Variants in ZNF385D observed in about 807,000 individuals in gnomAD.
ZNF385D encodes the protein zinc finger protein 659.
ZNF385D carries 15 observed loss-of-function variants against 35.8 expected under a neutral mutation model. The observed-to-expected ratio is 0.42, with a 90% CI of 0.28 to 0.64. The LOEUF (loss-of-function observed/expected upper bound fraction) is 0.64. Among genes scored for constraint, ZNF385D ranks in the 30% least tolerant of loss-of-function variants. The pLI, the probability that ZNF385D is intolerant of heterozygous loss-of-function variation, is 0.23. For synonymous variants in ZNF385D, 212 were observed against 186.8 expected (o/e 1.13, Z -1.10); for missense variants, 474 against 494.6 (o/e 0.96, Z 0.39).
chr3:21,981,056 A>G (rs552160719), intron 3 of ZNF385D, among the ~76,000 whole-genome samples: 2 of 152,164 alleles, frequency 1.3e-5, no homozygotes, highest in African/African-American at 4.8e-5. Context: ...ATGGTAGAAT[A>G]ATTTCTAGTC....
At chr3:21,837,239 A>G (rs1234644558) in intron 3 of ZNF385D, among the ~76,000 whole-genome samples, 1 of 152,112 alleles carries the variant, frequency 6.6e-6, no homozygotes, top group Non-Finnish European at 1.5e-5. Flanking sequence ...GACTTCTTTC[A>G]GTCATCAGTC....
intron 3 of ZNF385D, among the ~76,000 whole-genome samples, chr3:21,541,129 A>C (rs2062164269): frequency 6.6e-6 from 1 of 152,226 alleles, no homozygotes; most frequent in Non-Finnish European, 1.5e-5. Flanking sequence ...TCAAATTCTG[A>C]TAAGTCATCT....
At chr3:21,995,729 T>C (rs1695423203) in intron 3 of ZNF385D, among the ~76,000 whole-genome samples, 1 of 151,866 alleles carries the variant, frequency 6.6e-6, no homozygotes, top group Admixed American at 6.6e-5. Flanking sequence ...GCCCCCAGAA[T>C]GGTGCCCAAG....
At chr3:22,003,594 C>T (rs1040292088) in intron 3 of ZNF385D, among the ~76,000 whole-genome samples, 1 of 152,084 alleles carries the variant, frequency 6.6e-6, no homozygotes, top group African/African-American at 2.4e-5. Flanking sequence ...TGGCCAGGTA[C>T]AGTAGCTCAC....
chr3:21,828,854 C>A (rs1342889497), intron 3 of ZNF385D, among the ~76,000 whole-genome samples: 2 of 152,284 alleles, frequency 1.3e-5, no homozygotes, highest in East Asian at 3.9e-4. Flanking sequence ...ATCTATAGAC[C>A]ACCTCTGGTC....
chr3:21,478,495 T>C (rs1403675171), intron 4 of ZNF385D, among the ~76,000 whole-genome samples: 1 of 152,196 alleles, frequency 6.6e-6, no homozygotes, highest in African/African-American at 2.4e-5. Flanking sequence ...CATTAGAGTA[T>C]ATCCAGAAAT....
At chr3:21,547,369 C>A (rs1348090029) in intron 3 of ZNF385D, among the ~76,000 whole-genome samples, 1 of 152,108 alleles carries the variant, frequency 6.6e-6, no homozygotes, top group African/African-American at 2.4e-5. Flanking sequence ...TCTTACCCCT[C>A]CCCTTGTTTC....
chr3:21,458,309 T>C (rs1167538233), intron 4 of ZNF385D, among the ~76,000 whole-genome samples: 1 of 115,874 alleles, frequency 8.6e-6, no homozygotes, highest in Non-Finnish European at 1.7e-5. Context: ...CTCATCACTC[T>C]TAAAGGAAAA....
intron 3 of ZNF385D, among the ~76,000 whole-genome samples, chr3:21,807,115 G>C (rs1171279343): frequency 1.3e-5 from 2 of 152,132 alleles, no homozygotes; most frequent in African/African-American, 4.8e-5. Flanking sequence ...ATGTGAATCA[G>C]ATGTGTAATT....
chr3:21,749,362 A>G (rs550887449), intron 1 of ZNF385D, among the ~76,000 whole-genome samples: 124 of 152,228 alleles, frequency 8.1e-4, no homozygotes, highest in Admixed American at 1.6e-3. Flanking sequence ...CTGCTATTCT[A>G]ATTGGCCCTA....
At chr3:21,707,181 C>G (rs2067937744) in intron 1 of ZNF385D, among the ~76,000 whole-genome samples, 1 of 151,970 alleles carries the variant, frequency 6.6e-6, no homozygotes, top group South Asian at 2.1e-4. Context: ...AGTTATTATT[C>G]TTTTTTAATA....
chr3:22,288,352 T>C (rs1259123781), intron 2 of ZNF385D, among the ~76,000 whole-genome samples: 4 of 152,086 alleles, frequency 2.6e-5, no homozygotes, highest in African/African-American at 9.7e-5. Context: ...TTTCTTGATT[T>C]CTTCTCCTGG....
chr3:21,966,591 T>A (rs971579772), intron 3 of ZNF385D, among the ~76,000 whole-genome samples: 1 of 152,320 alleles, frequency 6.6e-6, no homozygotes, highest in Non-Finnish European at 1.5e-5. Context: ...CTTGTTTGTT[T>A]GTTTGTTTGA....
intron 2 of ZNF385D, among the ~76,000 whole-genome samples, chr3:22,301,342 A>T (rs1430694885): frequency 6.6e-6 from 1 of 152,040 alleles, no homozygotes; most frequent in Admixed American, 6.6e-5. Context: ...GTTACATAAG[A>T]ACAATAAGTC....
At chr3:21,761,655 G>T (rs1263098976) in intron 3 of ZNF385D, among the ~76,000 whole-genome samples, 1 of 152,086 alleles carries the variant, frequency 6.6e-6, no homozygotes, top group African/African-American at 2.4e-5. Context: ...AGACACTTTG[G>T]AGGAGTGAAG....
At chr3:21,772,184 A>G (rs1046699003) in intron 3 of ZNF385D, among the ~76,000 whole-genome samples, 6 of 151,986 alleles carry the variant, frequency 3.9e-5, no homozygotes, top group African/African-American at 1.4e-4. Context: ...TTTCTTGGAT[A>G]TCACAGAAAA....
chr3:22,253,040 G>T (rs1034639548), intron 2 of ZNF385D, among the ~76,000 whole-genome samples: 1 of 152,066 alleles, frequency 6.6e-6, no homozygotes, highest in African/African-American at 2.4e-5. Context: ...GAAAAGCAAA[G>T]AGATTTGGTA....
At chr3:22,262,250 T>A (rs1413182422) in intron 2 of ZNF385D, among the ~76,000 whole-genome samples, 1 of 151,872 alleles carries the variant, frequency 6.6e-6, no homozygotes, top group Non-Finnish European at 1.5e-5. Context: ...TCTGTGAGAA[T>A]CTTTGCATTA....
intron 3 of ZNF385D, among the ~76,000 whole-genome samples, chr3:21,851,056 G>C (rs1308716388): frequency 6.6e-6 from 1 of 151,418 alleles, no homozygotes; most frequent in Non-Finnish European, 1.5e-5. Flanking sequence ...AAAATCAAAG[G>C]ACAAGGATTT....
Sources: gnomAD v4.1 joint callset for allele counts (sites outside exome capture counted in the v4.1 genomes callset) on GRCh38, gnomAD v4.1.1 for gene constraint, MANE v1.5 for transcripts, NCBI Gene and HGNC (gene_info 2026-07-23, HGNC 2026-07-21) for gene names.